VEPH1: variants seen among roughly 807,000 people sequenced by gnomAD.
The protein encoded by VEPH1 is ventricular zone expressed PH domain containing 1.
VEPH1 carries 80 observed loss-of-function variants against 85.2 expected under a neutral mutation model. The observed-to-expected ratio is 0.94, with a 90% CI of 0.78 to 1.13. The LOEUF (loss-of-function observed/expected upper bound fraction) is 1.13, where lower values mean the gene tolerates loss of function less well. Ranked by LOEUF, VEPH1 falls within the 50% of genes most tolerant of loss-of-function variation. The pLI is 0.00. For missense variants in VEPH1, 955 were observed against 980.5 expected, an observed-to-expected ratio of 0.97 and a Z score of 0.35; for synonymous variants, 297 against 348.0, an observed-to-expected ratio of 0.85 and a Z score of 1.63.
intron 6 of VEPH1, among the ~76,000 whole-genome samples, chr3:157,403,777 G>A (rs1037852580): frequency 2.0e-5 from 3 of 152,080 alleles, no homozygotes; most frequent in African/African-American, 7.2e-5. Context: ...AGAAAATTGG[G>A]TATAGCTGTG....
At chr3:157,354,696 C>T (rs564420212) in intron 9 of VEPH1, among the ~76,000 whole-genome samples, 1 of 152,132 alleles carries the variant, frequency 6.6e-6, no homozygotes, top group African/African-American at 2.4e-5. Context: ...ATTTTTTGTT[C>T]TTGGTCCATA....
chr3:157,270,635 C>T (rs1195089824), intron 12 of VEPH1, among the ~76,000 whole-genome samples: 1 of 151,706 alleles, frequency 6.6e-6, no homozygotes, highest in Non-Finnish European at 1.5e-5. Flanking sequence ...CTGAGAAGAC[C>T]CACAGCAGGA....
At chr3:157,482,317 A>G (rs879363321) in intron 2 of VEPH1, among the ~76,000 whole-genome samples, 1 of 152,100 alleles carries the variant, frequency 6.6e-6, no homozygotes, top group Non-Finnish European at 1.5e-5. Flanking sequence ...TCTGCCTCCC[A>G]GGTTCAAGTG....
intron 5 of VEPH1, among the ~76,000 whole-genome samples, chr3:157,425,890 A>G (rs1437861092): frequency 6.6e-6 from 1 of 152,144 alleles, no homozygotes; most frequent in Non-Finnish European, 1.5e-5. Context: ...CAATGCCCAA[A>G]TGTTATGGGA....
At chr3:157,332,708 G>A (rs1412670324) in intron 9 of VEPH1, among the ~76,000 whole-genome samples, 2 of 152,144 alleles carry the variant, frequency 1.3e-5, no homozygotes. Context: ...GAACATTCAA[G>A]TACATGTTTT....
chr3:157,349,316 T>C (rs1487751238), intron 9 of VEPH1, among the ~76,000 whole-genome samples: 1 of 152,168 alleles, frequency 6.6e-6, no homozygotes, highest in Non-Finnish European at 1.5e-5. Flanking sequence ...GGAAAAACAT[T>C]TGAGAAAATT....
chr3:157,495,129 G>T, intron 2 of VEPH1, 83 bp downstream of exon 2: 1 of 1,392,978 alleles, frequency 7.2e-7, no homozygotes. Flanking sequence ...CCCCTGCAAA[G>T]ATCTTTCTGC....
chr3:157,355,262 GCACA>G (rs1271043404), intron 9 of VEPH1, among the ~76,000 whole-genome samples: 2 of 152,164 alleles, frequency 1.3e-5, no homozygotes, highest in Non-Finnish European at 2.9e-5. Context: ...TGTCTATTCT[GCACA>G]CAGTTGTATC....
chr3:157,494,226 C>A (rs1299882961), intron 2 of VEPH1, among the ~76,000 whole-genome samples: 3 of 152,172 alleles, frequency 2.0e-5, no homozygotes, highest in Non-Finnish European at 4.4e-5. Context: ...TTAAATATAT[C>A]TTCTTTGTAA....
intron 9 of VEPH1, 139 bp downstream of exon 9, chr3:157,363,222 ACAT>A: frequency 1.3e-6 from 1 of 775,890 alleles, no homozygotes; most frequent in Non-Finnish European, 1.9e-6. Context: ...AAAAAAACTA[ACAT>A]AATGTAAGGT....
intron 12 of VEPH1, among the ~76,000 whole-genome samples, chr3:157,285,671 A>C (rs1253163481): frequency 6.6e-6 from 1 of 152,198 alleles, no homozygotes; most frequent in Non-Finnish European, 1.5e-5. Context: ...AGGGCACATT[A>C]GTGATGAAAT....
At chr3:157,436,998 A>G in intron 4 of VEPH1, 5 of 1,614,040 alleles carry the variant, frequency 3.1e-6, no homozygotes, top group Non-Finnish European at 3.4e-6. Flanking sequence ...AACTCGGATG[A>G]TTATGATCTC....
At chr3:157,446,092 C>T (rs1002656044) in intron 4 of VEPH1, among the ~76,000 whole-genome samples, 15 of 152,010 alleles carry the variant, frequency 9.9e-5, no homozygotes, top group East Asian at 3.8e-4. Flanking sequence ...ATACTTATTG[C>T]GACATCACCA....
At chr3:157,286,376 C>T in intron 12 of VEPH1, 181 bp downstream of exon 12, 1 of 633,164 alleles carries the variant, frequency 1.6e-6, no homozygotes, top group Non-Finnish European at 2.8e-6. Flanking sequence ...CAAAGTTTTC[C>T]CTTTTTCCTA....
At chr3:157,286,851 A>G (rs1218564265) in intron 11 of VEPH1, among the ~76,000 whole-genome samples, 177 bp from the exon 12 acceptor site, 2 of 152,232 alleles carry the variant, frequency 1.3e-5, no homozygotes, top group African/African-American at 4.8e-5. Flanking sequence ...GCATTCAGCT[A>G]AACTTTTCCA....
At chr3:157,446,112 A>G (rs1734528337) in intron 4 of VEPH1, among the ~76,000 whole-genome samples, 1 of 152,140 alleles carries the variant, frequency 6.6e-6, no homozygotes, top group African/African-American at 2.4e-5. Flanking sequence ...ATATTACAGC[A>G]TAGTAAAGTA....
intron 12 of VEPH1, among the ~76,000 whole-genome samples, chr3:157,268,426 C>T (rs752899587): frequency 1.1e-4 from 17 of 152,056 alleles, no homozygotes; most frequent in Non-Finnish European, 2.4e-4. Flanking sequence ...TTAAAACAAA[C>T]AACAAAAACA....
chr3:157,285,774 A>C (rs1343147540), intron 12 of VEPH1, among the ~76,000 whole-genome samples: 1 of 152,226 alleles, frequency 6.6e-6, no homozygotes, highest in African/African-American at 2.4e-5. Flanking sequence ...ACCAGAAGGC[A>C]GAATGGTGAA....
intron 11 of VEPH1, among the ~76,000 whole-genome samples, chr3:157,309,990 G>T (rs1433644015): frequency 4.6e-5 from 7 of 152,062 alleles, no homozygotes. Context: ...ATGTTGACTA[G>T]ACTGGTCTTG....
Sources: gnomAD v4.1 joint callset for allele counts (sites outside exome capture counted in the v4.1 genomes callset) on GRCh38, gnomAD v4.1.1 for gene constraint, MANE v1.5 for transcripts, NCBI Gene and HGNC (gene_info 2026-07-23, HGNC 2026-07-21) for gene names.